SYNE1: variants seen among roughly 807,000 people sequenced by gnomAD.
The protein encoded by SYNE1 is spectrin repeat containing nuclear envelope protein 1.
A neutral mutation model predicts 1,111.0 loss-of-function variants in SYNE1; 616 were observed. That is an observed-to-expected ratio of 0.55 (90% CI 0.52 to 0.59). The LOEUF is 0.59. SYNE1 is among the 20% of genes least tolerant of loss of function. The probability of loss-of-function intolerance (pLI) is 0.00; values close to 1 mark genes in which losing one functional copy is unlikely to be tolerated. For synonymous variants in SYNE1, 3,855 were observed against 3,825.8 expected, an observed-to-expected ratio of 1.01 and a Z score of -0.28; for missense variants, 10,006 against 10,417.0, an observed-to-expected ratio of 0.96 and a Z score of 1.72.
intron 137 of SYNE1, chr6:152,145,614 T>C: frequency 6.8e-7 from 1 of 1,478,842 alleles, no homozygotes; most frequent in Non-Finnish European, 9.5e-7. Context: ...GAATCCCTTG[T>C]GCAGGAAAAT....
intron 59 of SYNE1, among the ~76,000 whole-genome samples, chr6:152,372,215 T>C (rs560893154): frequency 2.0e-5 from 3 of 152,276 alleles, no homozygotes; most frequent in Admixed American, 1.3e-4. Context: ...CTAGGCACAA[T>C]GGTTATCACT....
At chr6:152,175,464 G>A (rs112590526) in intron 130 of SYNE1, among the ~76,000 whole-genome samples, 3 of 152,306 alleles carry the variant, frequency 2.0e-5, no homozygotes, top group African/African-American at 4.8e-5. Flanking sequence ...TTTTAAAAGC[G>A]TATTGTGGGA....
intron 7 of SYNE1, among the ~76,000 whole-genome samples, chr6:152,510,804 C>T (rs957385412): frequency 5.3e-5 from 8 of 152,114 alleles, no homozygotes; most frequent in Admixed American, 1.3e-4. Flanking sequence ...TGGAGTTCTT[C>T]GGGGTGTGAG....
intron 127 of SYNE1, among the ~76,000 whole-genome samples, chr6:152,196,632 T>C (rs1291472801): frequency 6.6e-6 from 1 of 151,954 alleles, no homozygotes; most frequent in Non-Finnish European, 1.5e-5. Flanking sequence ...TATCTTACTG[T>C]AATTGAGTTG....
At chr6:152,350,063 T>C in intron 72 of SYNE1, 105 bp downstream of exon 72, 2 of 1,399,498 alleles carry the variant, frequency 1.4e-6, no homozygotes, top group South Asian at 1.2e-5. Flanking sequence ...AAACCAGAGA[T>C]GCACCTGTGT....
At chr6:152,302,342 CG>C in intron 91 of SYNE1, 1 of 528,434 alleles carries the variant, frequency 1.9e-6, no homozygotes, top group South Asian at 2.0e-5. Context: ...GGTTTCTAAT[CG>C]CGAGAGGCCC....
At chr6:152,134,874 G>A in intron 142 of SYNE1, 2 of 529,426 alleles carry the variant, frequency 3.8e-6, no homozygotes, top group East Asian at 3.5e-5. Context: ...TTTTACAACT[G>A]AGCAACAACT....
rs759856569 is a variant in SYNE1 at position 152,330,533 on chromosome 6, C to T, written c.14152G>A (p.Ala4718Thr). 4.2e-5 allele frequency: 68 copies of T among 1,614,020 alleles called. No individual in the cohort carries two copies. The highest frequency in any genetic ancestry group is 5.5e-5 in the Non-Finnish European group (65 of 1,180,040). ...AGGCCCGCCACCTCGTCCAGAATGG[C>T]TCTGCAACCATCTTGCAGAGAAAGA... is the stretch of plus-strand genomic sequence containing the variant. ...EALSLQDGCR[A>T]ILDEVAGLGE... The change falls in exon 78 of 146, where the codon GCC becomes ACC. Residue 4718 changes from alanine (A) to threonine (T), a missense_variant. This residue lies in a region of SYNE1 where 4,955 missense variants were observed against 5,017.2 expected (regional missense o/e 0.99). Coordinates refer to ENST00000367255, the MANE Select transcript of SYNE1 (RefSeq NM_182961.4).
chr6:152,550,404 T>C (rs1356040412), intron 3 of SYNE1, among the ~76,000 whole-genome samples: 1 of 152,156 alleles, frequency 6.6e-6, no homozygotes, highest in Non-Finnish European at 1.5e-5. Context: ...TTTAAAAATA[T>C]TACAATTTAC....
chr6:152,603,863 A>ATTTACTATC (rs1393501781), intron 3 of SYNE1, among the ~76,000 whole-genome samples: 1 of 127,422 alleles, frequency 7.8e-6, no homozygotes, highest in Non-Finnish European at 1.7e-5. Context: ...GTATATATAG[A>ATTTACTATC]TAGATATACT....
intron 84 of SYNE1, among the ~76,000 whole-genome samples, 154 bp from the exon 85 acceptor site, chr6:152,319,169 C>T (rs190954064): frequency 6.6e-6 from 1 of 152,222 alleles, no homozygotes; most frequent in African/African-American, 2.4e-5. Context: ...TACAAGCCCT[C>T]CTGGCTTTCC....
At chr6:152,475,469 T>C (rs2098829579) in intron 14 of SYNE1, among the ~76,000 whole-genome samples, 1 of 152,218 alleles carries the variant, frequency 6.6e-6, no homozygotes, top group Non-Finnish European at 1.5e-5. Flanking sequence ...AAGAATATCA[T>C]ATCTCATGTC....
chr6:152,442,649 A>C (rs1210923291), intron 30 of SYNE1, among the ~76,000 whole-genome samples: 1 of 152,248 alleles, frequency 6.6e-6, no homozygotes, highest in Admixed American at 6.5e-5. Flanking sequence ...GCAAATATTA[A>C]GAGATTTATG....
chr6:152,518,313 G>T lies in SYNE1; in HGVS notation c.309+2146C>A, dbSNP rs531243918. Among the ~76,000 whole-genome samples, 5 of 151,660 alleles carry T rather than the reference G, an allele frequency of 3.3e-5. No individual in the cohort carries two copies. The South Asian group carries it at 1.1e-3, about 32-fold the overall frequency. On this transcript the variant is annotated intron_variant, in intron 6 of 145. Transcript: ENST00000367255. ...CCAATGTTGAAAGTGAACCCTGGTG[G>T]GAAGCGATTGAACAGGAGGGCGAGT...
In SYNE1 at chr6:152,159,599, T is replaced by A. The variant is rs145431243; in HGVS notation, c.23791-3502A>T. Among the ~76,000 whole-genome samples, 6 of 152,264 alleles carry A rather than the reference T, an allele frequency of 3.9e-5. No individual in the cohort carries two copies. In the East Asian group the frequency reaches 1.2e-3, roughly 29 times the overall value. On this transcript the variant is annotated intron_variant, in intron 131 of 145. Coordinates refer to ENST00000367255, the MANE Select transcript of SYNE1 (RefSeq NM_182961.4). ...CTCTTGCAGCTCTTTCTTCTGGTAT[T>A]ACTTCTACCCTTTTTAATTTTTTGA...
intron 81 of SYNE1, 126 bp downstream of exon 81, chr6:152,324,958 A>C: frequency 8.8e-7 from 1 of 1,142,672 alleles, no homozygotes; most frequent in Non-Finnish European, 1.3e-6. Flanking sequence ...ATGTCACTGA[A>C]ACAGATTTTA....
In SYNE1 at chr6:152,164,392, G is replaced by T. The variant is rs535490871; in HGVS notation, c.23628-67C>A. On this transcript the variant is annotated intron_variant, in intron 130 of 145. Transcript: ENST00000367255. ...CCCACTCATGTTTCTCTAGCGTGCA[G>T]AGGAGAACACTGGGCTTTAACAATC... 88 of 1,587,468 alleles carry T rather than the reference G, an allele frequency of 5.5e-5. No individual in the cohort carries two copies. The African/African-American group carries it at 9.1e-4, about 16-fold the overall frequency.
intron 3 of SYNE1, among the ~76,000 whole-genome samples, chr6:152,555,747 A>G (rs1161000701): frequency 6.6e-6 from 1 of 152,214 alleles, no homozygotes; most frequent in Non-Finnish European, 1.5e-5. Flanking sequence ...GTATTTTTAC[A>G]TATAAACAAA....
chr6:152,124,194 C>T (rs1174337491), intron 145 of SYNE1, among the ~76,000 whole-genome samples: 15 of 152,060 alleles, frequency 9.9e-5, no homozygotes, highest in Non-Finnish European at 2.1e-4. Context: ...TAGTCCCAGT[C>T]ACTTGGGAGG....
Sources: gnomAD v4.1 joint callset for allele counts (sites outside exome capture counted in the v4.1 genomes callset) on GRCh38, gnomAD v4.1.1 for gene constraint, gnomAD v4.1.1 regional missense constraint, MANE v1.5 for transcripts, NCBI Gene and HGNC (gene_info 2026-07-23, HGNC 2026-07-21) for gene names.